The following BTBD16 variants were observed in gnomAD, a reference collection of about 807,000 sequenced individuals.
BTBD16 encodes BTB domain containing 16.
BTBD16 carries 66 observed loss-of-function variants against 67.4 expected under a neutral mutation model. The ratio of observed to expected loss-of-function variants is 0.98; its 90% CI spans 0.80 to 1.20. The LOEUF (loss-of-function observed/expected upper bound fraction) is 1.20. Among genes scored for constraint, BTBD16 ranks in the 50% most tolerant of loss-of-function variants. The probability of loss-of-function intolerance (pLI) is 0.00; values close to 1 mark genes in which losing one functional copy is unlikely to be tolerated. For synonymous variants in BTBD16, 242 were observed against 236.4 expected (o/e 1.02, Z -0.22); for missense variants, 634 against 616.0 (o/e 1.03, Z -0.31).
intron 7 of BTBD16, among the ~76,000 whole-genome samples, chr10:122,293,025 T>G (rs192982019): frequency 1.3e-5 from 2 of 152,318 alleles, no homozygotes; most frequent in Admixed American, 1.3e-4. Flanking sequence ...TCTCCTGGGC[T>G]TTTTGAGGGA....
chr10:122,322,790 C>G (rs2096437864), intron 10 of BTBD16, among the ~76,000 whole-genome samples: 1 of 152,206 alleles, frequency 6.6e-6, no homozygotes, highest in African/African-American at 2.4e-5. Flanking sequence ...TGCCTCCACA[C>G]TTGGCTCAGT....
intron 3 of BTBD16, among the ~76,000 whole-genome samples, chr10:122,278,993 T>C (rs1564951951): frequency 6.6e-6 from 1 of 152,172 alleles, no homozygotes; most frequent in Non-Finnish European, 1.5e-5. Context: ...CCATTTCACA[T>C]TCACTAGGCC....
rs199667575 is a variant in BTBD16 at position 122,329,498 on chromosome 10, C to T, written c.930C>T (p.Cys310=). The change falls in exon 11 of 16, where the codon TGC becomes TGT. Residue 310 remains cysteine, a synonymous_variant. Coordinates refer to ENST00000260723, the MANE Select transcript of BTBD16 (RefSeq NM_144587.5). ...TGCTAAGCTTTCCTGAGAACTGTTG[C>T]TTTCTGGACCGGGACATAGGACGGA... The part of the protein sequence containing the change: ...TFFKSFPENC[C]FLDRDIGRSL... 2.9e-5 allele frequency: 47 copies of T among 1,613,956 alleles called. No individual in the cohort carries two copies. The East Asian group carries it at 9.6e-4, about 33-fold the overall frequency.
intron 7 of BTBD16, among the ~76,000 whole-genome samples, chr10:122,292,730 C>T (rs562255982): frequency 6.6e-6 from 1 of 152,206 alleles, no homozygotes; most frequent in Non-Finnish European, 1.5e-5. Context: ...TGGGCAGGAT[C>T]CCTGCCCTCT....
intron 9 of BTBD16, among the ~76,000 whole-genome samples, chr10:122,304,774 T>C (rs886914051): frequency 2.6e-5 from 4 of 152,014 alleles, no homozygotes; most frequent in East Asian, 3.9e-4. Flanking sequence ...AAGATGGTCT[T>C]GATCTCCTGA....
At chr10:122,290,121 T>A (rs1048529596) in intron 6 of BTBD16, 123 bp downstream of exon 6, 1 of 643,396 alleles carries the variant, frequency 1.6e-6, no homozygotes, top group African/African-American at 1.8e-5. Context: ...AGTGCTTTCT[T>A]ATTAAAAAGG....
At chr10:122,316,428 A>T (rs1279314088) in intron 10 of BTBD16, among the ~76,000 whole-genome samples, 1 of 152,126 alleles carries the variant, frequency 6.6e-6, no homozygotes, top group East Asian at 1.9e-4. Context: ...AACAACTAGG[A>T]TGTGTTCTGA....
rs1243319277 is a variant in BTBD16, at chr10:122,289,982, A to G, written c.459A>G (p.Pro153=). 1.9e-6 allele frequency: 3 copies of G among 1,612,214 alleles called. No individual in the cohort carries two copies. The highest frequency in any genetic ancestry group is 3.3e-5 in the Admixed American group (2 of 60,004). The part of the protein sequence containing the change: ...RIIISLKIND[P]LVTKVAFATA... ...TCATTTCCTTGAAGATCAATGACCCACTGGTCACTAAAGTCGGTATGTATA... is the reference window on the plus strand; with the variant it reads ...TCATTTCCTTGAAGATCAATGACCCGCTGGTCACTAAAGTCGGTATGTATA... Residue 153 remains proline, a synonymous_variant, in exon 6 of 16, where the codon CCA becomes CCG. Transcript: ENST00000260723.
chr10:122,285,452 C>T (rs554062867), intron 4 of BTBD16, among the ~76,000 whole-genome samples: 7 of 152,298 alleles, frequency 4.6e-5, no homozygotes, highest in East Asian at 1.9e-4. Flanking sequence ...ATCCTACCCT[C>T]GTTGGTGGGC....
At chr10:122,290,055 A>T (rs549301284) in intron 6 of BTBD16, 57 bp downstream of exon 6, 1 of 1,222,680 alleles carries the variant, frequency 8.2e-7, no homozygotes, top group East Asian at 2.4e-5. Flanking sequence ...GTCCTCCCAG[A>T]TTTAAAAATG....
intron 10 of BTBD16, chr10:122,327,485 C>A: frequency 3.4e-6 from 2 of 593,216 alleles, no homozygotes; most frequent in Non-Finnish European, 4.2e-6. Flanking sequence ...ACTGCTCCCA[C>A]TTGACAGAGG....
chr10:122,278,488 A>G (rs1047277759), intron 3 of BTBD16, among the ~76,000 whole-genome samples: 8 of 152,212 alleles, frequency 5.3e-5, no homozygotes, highest in African/African-American at 1.9e-4. Flanking sequence ...TGTTTCTGGC[A>G]AATAGTAGAT....
chr10:122,273,736 A>G lies in BTBD16; in HGVS notation c.-42-1304A>G, dbSNP rs149478056. Reference sequence around the variant, plus strand: ...GCACTCCAGCCTGGGCAACAGAGCAAGACCCTGTCTCAAAAAAAGAAAAAG... The same window carrying G: ...GCACTCCAGCCTGGGCAACAGAGCAGGACCCTGTCTCAAAAAAAGAAAAAG... On this transcript the variant is annotated intron_variant, in intron 1 of 15. Transcript: ENST00000260723. Among the ~76,000 whole-genome samples the G allele has an allele frequency of 5.9e-5, 9 of 152,328 alleles. No individual in the cohort carries two copies. In the East Asian group the frequency reaches 1.7e-3, roughly 29 times the overall value.
chr10:122,305,698 G>C (rs993042213), intron 9 of BTBD16, among the ~76,000 whole-genome samples: 1 of 152,174 alleles, frequency 6.6e-6, no homozygotes, highest in Non-Finnish European at 1.5e-5. Context: ...CAACAGAACA[G>C]TACAACCCTA....
intron 9 of BTBD16, chr10:122,303,677 T>G: frequency 1.1e-6 from 1 of 896,048 alleles, no homozygotes; most frequent in South Asian, 5.2e-5. Context: ...GACAGTGTCT[T>G]ATGAAAAGCA....
At chr10:122,289,824 G>T (rs1019600231) in intron 5 of BTBD16, 85 bp from the exon 6 acceptor site, 27 of 821,734 alleles carry the variant, frequency 3.3e-5, no homozygotes, top group Non-Finnish European at 4.2e-5. Context: ...ATACCTCATG[G>T]TCATGCCAGG....
chr10:122,278,252 G>T (rs1422572536), intron 3 of BTBD16, among the ~76,000 whole-genome samples: 1 of 152,156 alleles, frequency 6.6e-6, no homozygotes, highest in South Asian at 2.1e-4. Context: ...GAGGGGTGGG[G>T]TGTTGAAATG....
intron 10 of BTBD16, chr10:122,328,637 A>G: frequency 2.4e-6 from 1 of 412,956 alleles, no homozygotes; most frequent in South Asian, 1.0e-4. Flanking sequence ...ATCTACAAGT[A>G]CCCTGGGTGG....
chr10:122,283,818 C>T (rs772535987), intron 3 of BTBD16, 33 bp from the exon 4 acceptor site: 3 of 1,570,140 alleles, frequency 1.9e-6, no homozygotes, highest in East Asian at 2.2e-5. Flanking sequence ...TCAGTATTAA[C>T]TCCTGGATTT....
Sources: gnomAD v4.1 joint callset for allele counts (sites outside exome capture counted in the v4.1 genomes callset) on GRCh38, gnomAD v4.1.1 for gene constraint, MANE v1.5 for transcripts, NCBI Gene and HGNC (gene_info 2026-07-23, HGNC 2026-07-21) for gene names.